Variants in FKBP15 observed in about 807,000 individuals in gnomAD.
FKBP15 encodes FKBP prolyl isomerase family member 15.
Under a neutral mutation model 158.1 loss-of-function variants are expected in FKBP15, and 106 were observed. The ratio of observed to expected loss-of-function variants is 0.67; its 90% CI spans 0.57 to 0.79. FKBP15 has a LOEUF of 0.79. FKBP15 is among the 30% of genes least tolerant of loss of function. The pLI is 0.00. For synonymous variants in FKBP15, 547 were observed against 548.6 expected, an observed-to-expected ratio of 1.00 and a Z score of 0.04; for missense variants, 1,287 against 1,479.1, an observed-to-expected ratio of 0.87 and a Z score of 2.13.
intron 1 of FKBP15, among the ~76,000 whole-genome samples, chr9:113,211,801 A>G (rs979976898): frequency 2.6e-5 from 4 of 152,146 alleles, no homozygotes; most frequent in African/African-American, 9.7e-5. Context: ...TGTCTTTGAA[A>G]TCAAGATTGT....
chr9:113,188,260 G>A (rs1037692516), intron 13 of FKBP15, 129 bp downstream of exon 13: 46 of 730,672 alleles, frequency 6.3e-5, no homozygotes, highest in Non-Finnish European at 8.8e-5. Flanking sequence ...ACTGACAAGC[G>A]TCACACTCTT....
Position 113,171,680 on chromosome 9 carries a change from T to C in FKBP15, c.2559A>G (p.Thr853=). Residue 853 remains threonine, a synonymous_variant, in exon 24 of 28, where the codon ACA becomes ACG. Transcript: ENST00000238256. ...EKCLALQAQI[T]ALTKQNEQHI... Reference sequence around the variant, plus strand: ...GCTGTTCATTTTGCTTGGTGAGAGCTGTGATTTGGGCCTGGAGGGCTAAAC... The same window carrying C: ...GCTGTTCATTTTGCTTGGTGAGAGCCGTGATTTGGGCCTGGAGGGCTAAAC... 1 of 1,600,146 alleles carries C rather than the reference T, an allele frequency of 6.2e-7. No individual in the cohort carries two copies. The highest frequency in any genetic ancestry group is 1.1e-5 in the South Asian group (1 of 88,428).
Position 113,187,802 on chromosome 9 carries a change from T to C in FKBP15, c.1374A>G (p.Gln458=), listed in dbSNP as rs113219248. The change falls in exon 14 of 28, where the codon CAA becomes CAG. Residue 458 remains glutamine (Q), a synonymous_variant. Coordinates refer to ENST00000238256, the MANE Select transcript of FKBP15 (RefSeq NM_015258.2). The part of the protein sequence containing the change: ...DSHSAVSGNA[Q]SFQPYAGMQA... Reference sequence around the variant, plus strand: ...GGTTATAAAATGTTACCTGAAAGGATTGGGCATTTCCAGATACAGCTGAGT... The same window carrying C: ...GGTTATAAAATGTTACCTGAAAGGACTGGGCATTTCCAGATACAGCTGAGT... The C allele has an allele frequency of 5.3e-5, 86 of 1,612,848 alleles. 1 individual carries two copies. In the African/African-American group the frequency reaches 8.5e-4, roughly 16 times the overall value.
chr9:113,206,904 C>A, intron 3 of FKBP15: 1 of 434,792 alleles, frequency 2.3e-6, no homozygotes, highest in Non-Finnish European at 4.1e-6. Context: ...ATTTAAAGCT[C>A]ATATACTATT....
intron 4 of FKBP15, 99 bp downstream of exon 4, chr9:113,206,410 T>C (rs888431020): frequency 3.5e-5 from 31 of 875,542 alleles, no homozygotes; most frequent in Non-Finnish European, 5.7e-5. Context: ...ATCATCCTTA[T>C]CTTCTGATAA....
At chr9:113,215,637 TA>T (rs1401888856) in intron 1 of FKBP15, among the ~76,000 whole-genome samples, 17 of 119,924 alleles carry the variant, frequency 1.4e-4, no homozygotes, top group East Asian at 6.7e-4. Context: ...TATATATATA[TA>T]TATATATTTT....
At position 113,203,026 on chromosome 9, in the gene FKBP15, G is replaced by C. The variant is rs772773891; in HGVS notation, c.334C>G (p.Leu112Val). 9 of 1,607,226 alleles carry C rather than the reference G, an allele frequency of 5.6e-6. No individual in the cohort carries two copies. In the South Asian group the frequency reaches 9.9e-5, roughly 18 times the overall value. ...GGCTGTTGTTGACTGATATAAAGAA[G>C]AATCCTATACTGTAGACAAGCAACG... Reference protein sequence around the residue: ...GNHTAREYRILLYISQQQPVT... With the variant: ...GNHTAREYRIVLYISQQQPVT... The change falls in exon 5 of 28, where the codon CTT becomes GTT. Residue 112 changes from leucine (L) to valine (V), a missense_variant. Physicochemically the swap from Leu to Val is conservative, Grantham distance 32. Coordinates refer to ENST00000238256, the MANE Select transcript of FKBP15 (RefSeq NM_015258.2).
At position 113,178,706 on chromosome 9, in the gene FKBP15, C is replaced by G. The variant is rs766517438; in HGVS notation, c.2010G>C (p.Gln670His). 5.0e-5 allele frequency: 80 copies of G among 1,608,954 alleles called. No homozygotes were observed. The highest frequency in any genetic ancestry group is 6.7e-5 in the South Asian group (6 of 89,802). The change falls in exon 20 of 28, where the codon CAG becomes CAC. Residue 670 changes from glutamine to histidine, a missense_variant. Gln to His is a conservative substitution (Grantham distance 24). Coordinates refer to ENST00000238256, the MANE Select transcript of FKBP15 (RefSeq NM_015258.2). Reference sequence around the variant, plus strand: ...CCTTCAGGCTTTCTGTCAGCTGCATCTGCAGCTCTGTTTCCTTTTTTTGGT... The same window carrying G: ...CCTTCAGGCTTTCTGTCAGCTGCATGTGCAGCTCTGTTTCCTTTTTTTGGT... ...TAHQKKETEL[Q>H]MQLTESLKET...
chr9:113,205,872 T>C (rs1462712891), intron 4 of FKBP15: 1 of 152,232 alleles, frequency 6.6e-6, no homozygotes, highest in Non-Finnish European at 1.5e-5. Flanking sequence ...TGCTATAACA[T>C]GGGTGAACCT....
chr9:113,198,948 G>C lies in FKBP15; in HGVS notation c.649-25C>G. The stretch of plus-strand genomic sequence containing the variant: ...CCTGCAATTTGATCGAAGGAAATTA[G>C]GCCAGCCAATTTCAAAAATAATAAT... On this transcript the variant is annotated intron_variant, in intron 7 of 27. Coordinates refer to ENST00000238256, the MANE Select transcript of FKBP15 (RefSeq NM_015258.2). This position sits in a 1 kb window ranked among gnomAD's most constrained non-coding sequence, Gnocchi z 5.2. 4.5e-6 allele frequency: 7 copies of C among 1,543,782 alleles called. No individual in the cohort carries two copies. Among genetic ancestry groups the C allele is most frequent in the Non-Finnish European group, 6.2e-6 (7 of 1,130,074 alleles).
In FKBP15 at chr9:113,190,680, C is replaced by G. The variant is rs897629563; in HGVS notation, c.1066-102G>C. 1.0e-5 allele frequency: 8 copies of G among 789,380 alleles called. No homozygotes were observed. In the Admixed American group the frequency reaches 1.1e-4, roughly 11 times the overall value. The allele number at this position is 789,380 out of a possible 1,614,324, so 48.9% of individuals were successfully genotyped here. On this transcript the variant is annotated intron_variant, in intron 11 of 27. Transcript: ENST00000238256. The stretch of plus-strand genomic sequence containing the variant: ...TTGTATCAAATCCTTCAACAAATCC[C>G]CCTACCATATCTATTTAAAAACATT...
chr9:113,176,454 G>T, intron 21 of FKBP15, 83 bp downstream of exon 21: 2 of 1,386,464 alleles, frequency 1.4e-6, no homozygotes, highest in Non-Finnish European at 1.9e-6. Flanking sequence ...GTTACAATAA[G>T]CACATACTAT....
In FKBP15 at chr9:113,163,869, A is replaced by C. The variant is rs946412684; in HGVS notation, c.*2209T>G. The C allele has an allele frequency of 2.0e-5, 3 of 152,504 alleles. No individual in the cohort carries two copies. Among genetic ancestry groups the C allele is most frequent in the African/African-American group, 7.2e-5 (3 of 41,398 alleles). 9.4% of individuals were successfully genotyped at this position (152,504 alleles called of 1,614,324 possible). The stretch of plus-strand genomic sequence containing the variant: ...TATTACTTACTGCTTACTCGTAATG[A>C]TCTAGTGGGGAAACATGATTCATTC... On this transcript the variant is annotated 3_prime_UTR_variant, in exon 28 of 28. Transcript: ENST00000238256.
chr9:113,219,963 G>A (rs1385429964), intron 1 of FKBP15, among the ~76,000 whole-genome samples: 1 of 152,200 alleles, frequency 6.6e-6, no homozygotes, highest in East Asian at 1.9e-4. Flanking sequence ...AGACTAAAAG[G>A]TAGGTAATAT....
In FKBP15 at chr9:113,174,587, AG is replaced by A; in HGVS notation, c.2224-5del. 5.0e-6 allele frequency: 8 copies of A among 1,613,470 alleles called. No homozygotes were observed. The highest frequency in any genetic ancestry group is 6.8e-6 in the Non-Finnish European group (8 of 1,179,704). On this transcript the variant is annotated splice_polypyrimidine_tract_variant and splice_region_variant and intron_variant, in intron 21 of 27. Transcript: ENST00000238256. ...TCTTTTTCCTTTCTGAGAGGTTCTT[AG>A]GAACAAGAGAACCATCATCAGCTCT... is the stretch of plus-strand genomic sequence containing the variant.
At chr9:113,190,005 T>TCAATAAA (rs1174987178) in intron 12 of FKBP15, among the ~76,000 whole-genome samples, 13 of 152,184 alleles carry the variant, frequency 8.5e-5, no homozygotes, top group African/African-American at 2.9e-4. Context: ...TCAATAAAAT[T>TCAATAAA]ATTGAACTTC....
intron 3 of FKBP15, chr9:113,206,947 C>T (rs1211791154): frequency 4.5e-6 from 2 of 440,624 alleles, no homozygotes; most frequent in Non-Finnish European, 8.2e-6. Context: ...ATCTATCATT[C>T]ATGCTATCTC....
intron 1 of FKBP15, 115 bp downstream of exon 1, chr9:113,221,076 G>T: frequency 8.6e-7 from 1 of 1,157,218 alleles, no homozygotes; most frequent in Non-Finnish European, 1.2e-6. Context: ...CCGGAATGTG[G>T]CAAGGGTCTC....
chr9:113,194,061 C>A lies in FKBP15; in HGVS notation c.973G>T (p.Val325Leu). The A allele has an allele frequency of 6.2e-7, 1 of 1,613,100 alleles. No individual in the cohort carries two copies. Among genetic ancestry groups the A allele is most frequent in the East Asian group, 2.2e-5 (1 of 44,886 alleles). Residue 325 changes from valine (V) to leucine (L), a missense_variant, in exon 10 of 28, where the codon GTG (valine) becomes TTG (leucine). Transcript: ENST00000238256. ...GADNLSADPV[V>L]SPPTSIPFKS... Reference sequence around the variant, plus strand: ...AAAGGTATTGATGTGGGTGGTGACACAACAGGATCAGCAGAGAGGTTGTCA... The same window carrying A: ...AAAGGTATTGATGTGGGTGGTGACAAAACAGGATCAGCAGAGAGGTTGTCA...
Sources: gnomAD v4.1 joint callset for allele counts (sites outside exome capture counted in the v4.1 genomes callset) on GRCh38, gnomAD v4.1.1 for gene constraint, Gnocchi (gnomAD v3.1) non-coding constraint, MANE v1.5 for transcripts, NCBI Gene and HGNC (gene_info 2026-07-23, HGNC 2026-07-21) for gene names.